MAST4: variants seen among roughly 807,000 people sequenced by gnomAD.
MAST4 encodes the protein microtubule associated serine/threonine kinase family member 4, also known as microtubule-associated serine/threonine-protein kinase 4.
Under a neutral mutation model 162.7 loss-of-function variants are expected in MAST4, and 89 were observed. The ratio of observed to expected loss-of-function variants is 0.55; its 90% CI spans 0.46 to 0.65. The LOEUF (loss-of-function observed/expected upper bound fraction) is 0.65, where lower values mean the gene tolerates loss of function less well. Among genes scored for constraint, MAST4 ranks in the 30% least tolerant of loss-of-function variants. The probability of loss-of-function intolerance (pLI) is 0.00; values close to 1 mark genes in which losing one functional copy is unlikely to be tolerated. For missense variants in MAST4, 3,153 were observed against 3,374.0 expected (o/e 0.93, Z 1.62); for synonymous variants, 1,479 against 1,361.1 (o/e 1.09, Z -1.91).
At chr5:66,826,186 T>C (rs977625207) in intron 3 of MAST4, among the ~76,000 whole-genome samples, 23 of 152,192 alleles carry the variant, frequency 1.5e-4, no homozygotes, top group African/African-American at 5.5e-4. Flanking sequence ...TTCTTTAAAA[T>C]GTATGTGTAT....
At chr5:67,154,001 A>G (rs973102132) in intron 26 of MAST4, among the ~76,000 whole-genome samples, 1 of 152,230 alleles carries the variant, frequency 6.6e-6, no homozygotes, top group African/African-American at 2.4e-5. Flanking sequence ...AGTTCCTTTG[A>G]AAGATAAAAT....
intron 4 of MAST4, among the ~76,000 whole-genome samples, chr5:67,037,690 G>A (rs1756193164): frequency 6.6e-6 from 1 of 152,132 alleles, no homozygotes; most frequent in South Asian, 2.1e-4. Flanking sequence ...TTAGAAGAGA[G>A]AGTAGAAAAC....
intron 1 of MAST4, among the ~76,000 whole-genome samples, chr5:66,606,380 T>C (rs902620912): frequency 6.6e-6 from 1 of 152,200 alleles, no homozygotes; most frequent in Non-Finnish European, 1.5e-5. Flanking sequence ...TTTTAAATAA[T>C]TGGACATCTT....
intron 1 of MAST4, among the ~76,000 whole-genome samples, chr5:66,651,343 C>T (rs1358018637): frequency 2.0e-5 from 3 of 152,000 alleles, no homozygotes; most frequent in South Asian, 2.1e-4. Flanking sequence ...GCTACTTTAT[C>T]GTTTGATTTT....
intron 3 of MAST4, among the ~76,000 whole-genome samples, chr5:66,859,467 C>T (rs531826476): frequency 4.1e-4 from 62 of 152,226 alleles, no homozygotes; most frequent in South Asian, 1.0e-3. Flanking sequence ...ATCCTACCAC[C>T]CCTGTCCTTT....
At chr5:66,637,451 T>C (rs1431123672) in intron 1 of MAST4, among the ~76,000 whole-genome samples, 2 of 152,106 alleles carry the variant, frequency 1.3e-5, no homozygotes, top group African/African-American at 2.4e-5. Context: ...CTCATGTTTG[T>C]GGGTAGCTTG....
chr5:66,996,124 A>C (rs568924534), intron 4 of MAST4, among the ~76,000 whole-genome samples: 2 of 152,006 alleles, frequency 1.3e-5, no homozygotes, highest in Admixed American at 6.5e-5. Flanking sequence ...CTAAAAATAC[A>C]CAAAATTAGC....
Position 67,145,019 on chromosome 5 carries a change from C to T in MAST4, c.2859-125C>T, listed in dbSNP as rs980516971. The T allele has an allele frequency of 1.3e-5, 12 of 917,572 alleles. No homozygotes were observed. The South Asian group carries it at 1.9e-4, about 14-fold the overall frequency. 56.8% of individuals were successfully genotyped at this position (917,572 alleles called of 1,614,324 possible). A position where few individuals can be genotyped will look rare whatever the true frequency, so the allele number is the denominator to read the frequency against. On this transcript the variant is annotated intron_variant, in intron 22 of 28. Transcript: ENST00000403625. ...GCTGTGGGTACCACACATTAAGAAC[C>T]ATTGCACTAGACATCTCTTGGTTAG...
intron 1 of MAST4, among the ~76,000 whole-genome samples, chr5:66,642,834 G>A (rs1364985303): frequency 1.3e-5 from 2 of 152,182 alleles, no homozygotes; most frequent in African/African-American, 4.8e-5. Flanking sequence ...AACACCTGGT[G>A]TTTTTCCTCT....
chr5:67,078,665 A>ATGTT (rs1554093690), intron 5 of MAST4, among the ~76,000 whole-genome samples: 3 of 135,842 alleles, frequency 2.2e-5, no homozygotes, highest in African/African-American at 8.3e-5. Context: ...TATTTATTTT[A>ATGTT]TATTTATATT....
intron 4 of MAST4, among the ~76,000 whole-genome samples, chr5:66,947,660 G>A (rs1202167027): frequency 3.9e-5 from 6 of 151,994 alleles, no homozygotes; most frequent in African/African-American, 1.2e-4. Context: ...ATCCTCCTCC[G>A]ACCTGCAAAG....
At chr5:66,629,229 A>C (rs1447661243) in intron 1 of MAST4, among the ~76,000 whole-genome samples, 6 of 152,338 alleles carry the variant, frequency 3.9e-5, no homozygotes, top group Admixed American at 3.3e-4. Flanking sequence ...CATACTTGGC[A>C]TATAAAATAT....
intron 1 of MAST4, among the ~76,000 whole-genome samples, chr5:66,675,402 T>C (rs1747878935): frequency 6.6e-6 from 1 of 152,210 alleles, no homozygotes; most frequent in South Asian, 2.1e-4. Context: ...GTGTGGTTAA[T>C]GATGAGCCAT....
intron 3 of MAST4, among the ~76,000 whole-genome samples, chr5:66,831,738 G>A (rs1024047538): frequency 6.6e-6 from 1 of 152,090 alleles, no homozygotes; most frequent in African/African-American, 2.4e-5. Context: ...CACTGCCTTT[G>A]AAATGAGAAT....
At chr5:66,951,132 G>T (rs375415902) in intron 4 of MAST4, among the ~76,000 whole-genome samples, 1 of 152,146 alleles carries the variant, frequency 6.6e-6, no homozygotes, top group African/African-American at 2.4e-5. Flanking sequence ...AGGCCTTAAG[G>T]TTCTGTAGCT....
chr5:67,116,678 T>G (rs1766957227), intron 12 of MAST4, among the ~76,000 whole-genome samples: 1 of 151,860 alleles, frequency 6.6e-6, no homozygotes, highest in African/African-American at 2.4e-5. Context: ...TAGCTGGGCA[T>G]GGTGGCACAC....
intron 10 of MAST4, 70 bp from the exon 11 acceptor site, chr5:67,110,028 C>G: frequency 1.8e-6 from 2 of 1,093,872 alleles, no homozygotes; most frequent in Non-Finnish European, 2.8e-6. Flanking sequence ...AATTAGCATG[C>G]TTTGCTGATT....
chr5:67,128,415 G>C (rs1400042823), intron 14 of MAST4, among the ~76,000 whole-genome samples: 1 of 152,054 alleles, frequency 6.6e-6, no homozygotes, highest in Admixed American at 6.6e-5. Context: ...ATGGTTAAGA[G>C]AGTTTTTTAC....
chr5:66,719,065 A>C (rs964414429), intron 1 of MAST4, among the ~76,000 whole-genome samples: 14 of 152,318 alleles, frequency 9.2e-5, no homozygotes, highest in Admixed American at 4.6e-4. Context: ...CAAATGCAGA[A>C]TGGTTGGGGT....
Sources: gnomAD v4.1 joint callset for allele counts (sites outside exome capture counted in the v4.1 genomes callset) on GRCh38, gnomAD v4.1.1 for gene constraint, MANE v1.5 for transcripts, NCBI Gene and HGNC (gene_info 2026-07-23, HGNC 2026-07-21) for gene names.